RNF130: variants seen among roughly 807,000 people sequenced by gnomAD.
The protein encoded by RNF130 is E3 ubiquitin-protein ligase RNF130.
A neutral mutation model predicts 44.6 loss-of-function variants in RNF130; 21 were observed. That is an observed-to-expected ratio of 0.47 (90% confidence interval 0.33 to 0.68). RNF130 has a LOEUF of 0.68. RNF130 is among the 30% of genes least tolerant of loss of function. The pLI, the probability that RNF130 is intolerant of heterozygous loss-of-function variation, is 0.02. For missense variants in RNF130, 479 were observed against 560.6 expected, an observed-to-expected ratio of 0.85 and a Z score of 1.47; for synonymous variants, 214 against 210.4, an observed-to-expected ratio of 1.02 and a Z score of -0.15.
chr5:180,015,551 G>A (rs62405016), intron 2 of RNF130, among the ~76,000 whole-genome samples: 27,404 of 33,488 alleles, frequency 0.82, 11,890 homozygotes, highest in Middle Eastern at 0.92. Flanking sequence ...AGGAGTAGGG[G>A]AAGGAGTAGG....
exon 8 of RNF130, chr5:179,912,599 C>T (rs1431071262): frequency 3.9e-5 from 6 of 152,238 alleles, no homozygotes; most frequent in Admixed American, 2.6e-4. Context: ...GGTGCCAGGA[C>T]CTGGACCTGG....
chr5:179,944,766 A>AG (rs1454440559), intron 7 of RNF130, among the ~76,000 whole-genome samples: 1 of 152,112 alleles, frequency 6.6e-6, no homozygotes, highest in East Asian at 1.9e-4. Flanking sequence ...CAAAAAAAAA[A>AG]AAAGTTCACA....
intron 1 of RNF130, 116 bp downstream of exon 1, chr5:180,071,340 G>T: frequency 1.9e-6 from 2 of 1,032,304 alleles, no homozygotes; most frequent in African/African-American, 1.7e-5. Context: ...CCTGGCTGGG[G>T]CTGTCGGCCG....
intron 2 of RNF130, among the ~76,000 whole-genome samples, chr5:180,037,737 G>A (rs2089615081): frequency 6.6e-6 from 1 of 152,198 alleles, no homozygotes; most frequent in Admixed American, 6.5e-5. Context: ...TGATCGCAGT[G>A]TGCAGATTCT....
At chr5:180,048,820 G>A (rs1441072124) in intron 1 of RNF130, among the ~76,000 whole-genome samples, 1 of 152,136 alleles carries the variant, frequency 6.6e-6, no homozygotes, top group African/African-American at 2.4e-5. Flanking sequence ...AGCAGCAAAT[G>A]AAGTCACACA....
At chr5:179,936,383 C>G (rs1201169761) in intron 7 of RNF130, among the ~76,000 whole-genome samples, 1 of 152,038 alleles carries the variant, frequency 6.6e-6, no homozygotes, top group East Asian at 1.9e-4. Context: ...CCCATGCTGG[C>G]TAATATTTTA....
intron 2 of RNF130, among the ~76,000 whole-genome samples, chr5:180,029,186 T>C (rs1047164178): frequency 7.9e-5 from 12 of 152,160 alleles, no homozygotes; most frequent in African/African-American, 2.4e-4. Context: ...CTTCTATAAC[T>C]AAAAATGATT....
At chr5:179,960,572 C>T (rs1582142448) in intron 8 of RNF130, among the ~76,000 whole-genome samples, 1 of 152,306 alleles carries the variant, frequency 6.6e-6, no homozygotes, top group East Asian at 1.9e-4. Context: ...CCCTAGACCA[C>T]CTGGGTCCCA....
rs34266288 is a variant in RNF130, at chr5:179,931,032, C to CAAA, written c.1151-10609_1151-10607dup. Among the ~76,000 whole-genome samples the CAAA allele has an allele frequency of 7.6e-3, 565 of 74,246 alleles. 13 individuals carry two copies. Among genetic ancestry groups the CAAA allele is most frequent in the African/African-American group, 0.029 (534 of 18,624 alleles). 48.7% of individuals were successfully genotyped at this position (74,246 alleles called of 152,430 possible). A position where few individuals can be genotyped will look rare whatever the true frequency, so the allele number is the denominator to read the frequency against. On this transcript the variant is annotated intron_variant, in intron 7 of 7. Coordinates refer to the RNF130 transcript ENST00000522208. ...TGGGCTGCAGACCAAACCTCTGTCT[C>CAAA]AAAAAAAAAAAAAAAAAAAAAAAAA...
At chr5:180,038,837 T>C (rs1380778308) in intron 2 of RNF130, among the ~76,000 whole-genome samples, 1 of 152,148 alleles carries the variant, frequency 6.6e-6, no homozygotes. Flanking sequence ...GAAAGAAAAA[T>C]ACATTTTGCT....
At chr5:179,933,468 TATTTA>T (rs1457901465) in intron 7 of RNF130, among the ~76,000 whole-genome samples, 1 of 144,248 alleles carries the variant, frequency 6.9e-6, no homozygotes, top group Non-Finnish European at 1.5e-5. Context: ...CAACCATTTC[TATTTA>T]TTTATTGTGG....
intron 5 of RNF130, among the ~76,000 whole-genome samples, chr5:179,972,854 G>A (rs980484779): frequency 6.6e-6 from 1 of 152,078 alleles, no homozygotes; most frequent in African/African-American, 2.4e-5. Flanking sequence ...TTATAAATAT[G>A]TTTGGGTTCT....
chr5:179,966,704 T>A, intron 7 of RNF130, 102 bp downstream of exon 7: 1 of 954,140 alleles, frequency 1.0e-6, no homozygotes, highest in Non-Finnish European at 1.6e-6. Flanking sequence ...TTGGTTACAG[T>A]CTGTGTTGCA....
intron 7 of RNF130, among the ~76,000 whole-genome samples, chr5:179,930,419 AC>A (rs1469921375): frequency 1.3e-5 from 2 of 152,194 alleles, no homozygotes; most frequent in Non-Finnish European, 2.9e-5. Flanking sequence ...TGTTAAATTT[AC>A]TTACTCATTT....
At chr5:179,970,937 A>T (rs73344328) in intron 5 of RNF130, among the ~76,000 whole-genome samples, 4,382 of 152,290 alleles carry the variant, frequency 0.029, 217 homozygotes, top group African/African-American at 0.098. Flanking sequence ...TGGCACCCTG[A>T]TTGAATGTCA....
At chr5:179,918,476 T>A (rs1393343375) in exon 8 of RNF130, 1 of 152,206 alleles carries the variant, frequency 6.6e-6, no homozygotes, top group African/African-American at 2.4e-5. Flanking sequence ...TGATCCGAAC[T>A]GAGCTCTCCT....
At chr5:179,943,416 T>G (rs769792039) in intron 7 of RNF130, among the ~76,000 whole-genome samples, 1 of 152,226 alleles carries the variant, frequency 6.6e-6, no homozygotes, top group Admixed American at 6.5e-5. Context: ...GGGCCTGACG[T>G]GGACTTTCTA....
chr5:179,986,950 C>T (rs1375872300), intron 3 of RNF130, among the ~76,000 whole-genome samples: 1 of 152,006 alleles, frequency 6.6e-6, no homozygotes, highest in Non-Finnish European at 1.5e-5. Flanking sequence ...TTCCTTATTA[C>T]CCAGTTTGTT....
At chr5:179,951,529 G>A (rs1438214722), downstream of RNF130, among the ~76,000 whole-genome samples, 8 of 152,046 alleles carry the variant, frequency 5.3e-5, no homozygotes, top group East Asian at 1.9e-4. Flanking sequence ...GACTACAGGC[G>A]CCCGCCACCA....
Sources: allele counts gnomAD v4.1 joint callset (sites outside exome capture counted in the v4.1 genomes callset), GRCh38; gene constraint gnomAD v4.1.1; transcripts MANE v1.5; gene names NCBI Gene and HGNC (gene_info 2026-07-23, HGNC 2026-07-21).